Variants in LUZP2 observed in about 807,000 individuals in gnomAD.
The protein encoded by LUZP2 is leucine zipper protein 2.
In LUZP2, 52 loss-of-function variants were observed where a neutral mutation model predicts 51.6. The observed-to-expected ratio is 1.01, with a 90% CI of 0.81 to 1.27. LUZP2 has a LOEUF of 1.27. LUZP2 is among the 50% of genes most tolerant of loss of function. LUZP2 has a pLI of 0.00. For synonymous variants in LUZP2, 154 were observed against 137.3 expected (o/e 1.12, Z -0.85); for missense variants, 436 against 395.4 (o/e 1.10, Z -0.87).
At chr11:24,964,376 G>A (rs1236702388) in intron 7 of LUZP2, among the ~76,000 whole-genome samples, 1 of 152,076 alleles carries the variant, frequency 6.6e-6, no homozygotes, top group Non-Finnish European at 1.5e-5. Flanking sequence ...GGATGTATGT[G>A]GGATAACCAT....
chr11:24,887,653 G>C (rs1176322877), intron 5 of LUZP2, among the ~76,000 whole-genome samples: 5 of 152,212 alleles, frequency 3.3e-5, no homozygotes, highest in Middle Eastern at 3.2e-3. Flanking sequence ...AGTTAAACTT[G>C]TATTCAAAAT....
intron 4 of LUZP2, among the ~76,000 whole-genome samples, chr11:24,752,004 A>G (rs1280642415): frequency 4.6e-5 from 7 of 152,150 alleles, no homozygotes. Flanking sequence ...CGGTGTAAGT[A>G]TAAGAAAGAA....
At chr11:24,698,196 A>G (rs12365862) in intron 1 of LUZP2, among the ~76,000 whole-genome samples, 38,353 of 152,216 alleles carry the variant, frequency 0.25, 5,658 homozygotes, top group Middle Eastern at 0.37. Context: ...GCAGTAGGCA[A>G]GAAGAACCAC....
At chr11:24,712,325 G>A (rs1326196570) in intron 1 of LUZP2, among the ~76,000 whole-genome samples, 1 of 151,976 alleles carries the variant, frequency 6.6e-6, no homozygotes, top group African/African-American at 2.4e-5. Context: ...GTAGGCTAAG[G>A]CATGAGGACA....
At chr11:25,049,897 T>G in intron 9 of LUZP2, 141 bp from the exon 10 acceptor site, 2 of 398,930 alleles carry the variant, frequency 5.0e-6, no homozygotes, top group Non-Finnish European at 8.7e-6. Flanking sequence ...CAAATTTCCA[T>G]TTTCTTGTTT....
At chr11:24,971,770 TA>T (rs1373057087) in intron 7 of LUZP2, among the ~76,000 whole-genome samples, 1 of 152,100 alleles carries the variant, frequency 6.6e-6, no homozygotes, top group African/African-American at 2.4e-5. Context: ...TACTTTTTCT[TA>T]TTCTTTTTGT....
At chr11:25,019,845 T>A (rs1240252760) in intron 9 of LUZP2, among the ~76,000 whole-genome samples, 2 of 152,088 alleles carry the variant, frequency 1.3e-5, no homozygotes, top group African/African-American at 4.8e-5. Context: ...ATTGTTTGGA[T>A]CTAGTGTCAC....
intron 9 of LUZP2, among the ~76,000 whole-genome samples, chr11:25,009,124 A>G (rs1856915300): frequency 6.6e-6 from 1 of 152,220 alleles, no homozygotes. Context: ...TAATTTGTCC[A>G]AATACCATTT....
At chr11:24,511,192 G>A (rs200427221) in intron 1 of LUZP2, among the ~76,000 whole-genome samples, 107 of 152,198 alleles carry the variant, frequency 7.0e-4, no homozygotes, top group African/African-American at 2.5e-3. Flanking sequence ...TGATTCAGTT[G>A]CTCCAAAGGA....
intron 5 of LUZP2, among the ~76,000 whole-genome samples, chr11:24,774,442 T>C (rs1848853191): frequency 7.4e-6 from 1 of 134,814 alleles, no homozygotes; most frequent in Non-Finnish European, 1.6e-5. Flanking sequence ...GGAGAATATA[T>C]ATATAAAGAA....
chr11:25,032,604 T>C (rs1483593685), intron 9 of LUZP2, among the ~76,000 whole-genome samples: 1 of 152,154 alleles, frequency 6.6e-6, no homozygotes, highest in Non-Finnish European at 1.5e-5. Context: ...GAAGCTCTCA[T>C]ACCTGCCTTA....
At chr11:24,717,953 T>C (rs1292101678) in intron 1 of LUZP2, among the ~76,000 whole-genome samples, 1 of 152,218 alleles carries the variant, frequency 6.6e-6, no homozygotes, top group African/African-American at 2.4e-5. Flanking sequence ...CATAGTATTC[T>C]ACGGTGTTTT....
At chr11:25,031,584 C>T (rs1313018849) in intron 9 of LUZP2, among the ~76,000 whole-genome samples, 2 of 152,020 alleles carry the variant, frequency 1.3e-5, no homozygotes, top group African/African-American at 4.8e-5. Flanking sequence ...TTATACTTTT[C>T]ATTCTAATTT....
chr11:24,523,188 A>G (rs1331769968), intron 1 of LUZP2, among the ~76,000 whole-genome samples: 2 of 152,070 alleles, frequency 1.3e-5, no homozygotes, highest in South Asian at 2.1e-4. Flanking sequence ...GCTTTTCAGT[A>G]TAAGAAATCT....
At chr11:25,017,814 A>C (rs138848265) in intron 9 of LUZP2, among the ~76,000 whole-genome samples, 15 of 152,216 alleles carry the variant, frequency 9.9e-5, no homozygotes, top group African/African-American at 3.6e-4. Flanking sequence ...TAATCGTGTG[A>C]AAAATGATGT....
In LUZP2 at chr11:24,611,119, A is replaced by C. The variant is rs1156697623; in HGVS notation, c.62+113814A>C. Reference sequence around the variant, plus strand: ...TTTTGGCTATCCGAAGTAACATATAAGTGACTTTTATTTATATTACATTTA... The same window carrying C: ...TTTTGGCTATCCGAAGTAACATATACGTGACTTTTATTTATATTACATTTA... On this transcript the variant is annotated intron_variant, in intron 1 of 11. Transcript: ENST00000336930. The surrounding 1 kb of genome is among the most constrained non-coding windows in gnomAD (Gnocchi z 4.6). Among the ~76,000 whole-genome samples, 1 of 151,982 alleles carries C rather than the reference A, an allele frequency of 6.6e-6. No homozygotes were observed. The highest frequency in any genetic ancestry group is 2.4e-5 in the African/African-American group (1 of 41,378).
chr11:24,956,780 G>A (rs1855223951), intron 7 of LUZP2, among the ~76,000 whole-genome samples: 1 of 152,030 alleles, frequency 6.6e-6, no homozygotes, highest in African/African-American at 2.4e-5. Context: ...GTGGGATTTG[G>A]TAGAGAAATC....
At chr11:24,980,884 T>C (rs554756026) in intron 8 of LUZP2, among the ~76,000 whole-genome samples, 4 of 151,844 alleles carry the variant, frequency 2.6e-5, no homozygotes, top group African/African-American at 9.6e-5. Context: ...TGAGGGTCTA[T>C]ACACAAAGGA....
chr11:24,549,852 T>G (rs2133743978), intron 1 of LUZP2, among the ~76,000 whole-genome samples: 1 of 152,180 alleles, frequency 6.6e-6, no homozygotes. Context: ...TGTTGCTTTC[T>G]ATGGTCATTT....
Sources: gnomAD v4.1 joint callset for allele counts (sites outside exome capture counted in the v4.1 genomes callset) on GRCh38, gnomAD v4.1.1 for gene constraint, Gnocchi (gnomAD v3.1) non-coding constraint, MANE v1.5 for transcripts, NCBI Gene and HGNC (gene_info 2026-07-23, HGNC 2026-07-21) for gene names.